Variants in KCNIP4 observed in about 807,000 individuals in gnomAD.
KCNIP4 encodes the protein potassium voltage-gated channel interacting protein 4.
KCNIP4 carries 12 observed loss-of-function variants against 34.0 expected under a neutral mutation model. The observed-to-expected ratio is 0.35, with a 90% CI of 0.23 to 0.57. The LOEUF is 0.57. KCNIP4 is among the 20% of genes least tolerant of loss of function. The pLI is 0.83. For synonymous variants in KCNIP4, 124 were observed against 102.2 expected (o/e 1.21, Z -1.29); for missense variants, 238 against 311.7 (o/e 0.76, Z 1.78).
At chr4:21,701,929 C>T (rs1712883343) in intron 1 of KCNIP4, among the ~76,000 whole-genome samples, 1 of 152,054 alleles carries the variant, frequency 6.6e-6, no homozygotes, top group African/African-American at 2.4e-5. Context: ...GTCTCAAACT[C>T]CTGACCTCAG....
At chr4:21,838,403 C>G (rs963638729) in intron 1 of KCNIP4, among the ~76,000 whole-genome samples, 3 of 152,192 alleles carry the variant, frequency 2.0e-5, no homozygotes, top group Admixed American at 1.3e-4. Flanking sequence ...GGACTGGTAG[C>G]TCACATGGGG....
At chr4:21,782,765 G>A (rs777238907) in intron 1 of KCNIP4, among the ~76,000 whole-genome samples, 15 of 152,026 alleles carry the variant, frequency 9.9e-5, no homozygotes, top group South Asian at 2.1e-4. Context: ...ACTTGGAAAC[G>A]GCCAAAATGT....
At position 21,378,704 on chromosome 4, in the gene KCNIP4, C is replaced by A. The variant is rs1391629763; in HGVS notation, c.62-495995G>T. On this transcript the variant is annotated intron_variant, in intron 1 of 8. Transcript: ENST00000382152. ...CACAGAATTTTAAAACAGTTTCCAGCTATCCCTTAACACAAGGGATATTTA... is the reference window on the plus strand; with the variant it reads ...CACAGAATTTTAAAACAGTTTCCAGATATCCCTTAACACAAGGGATATTTA... Among the ~76,000 whole-genome samples the A allele has an allele frequency of 3.3e-5, 5 of 152,250 alleles. No individual in the cohort carries two copies. In the East Asian group the frequency reaches 7.7e-4, roughly 24 times the overall value.
intron 1 of KCNIP4, among the ~76,000 whole-genome samples, chr4:20,908,916 G>A (rs1728063725): frequency 6.6e-6 from 1 of 152,180 alleles, no homozygotes. Context: ...TAAATAGCTT[G>A]TAAATATTAC....
At chr4:21,491,739 TTTTAAGGTTTG>T (rs1179276055) in intron 1 of KCNIP4, among the ~76,000 whole-genome samples, 1 of 152,154 alleles carries the variant, frequency 6.6e-6, no homozygotes, top group African/African-American at 2.4e-5. Flanking sequence ...AACATCTACA[TTTTAAGGTTTG>T]TTTGTTTTAT....
chr4:21,276,771 T>G (rs1008907239), intron 1 of KCNIP4, among the ~76,000 whole-genome samples: 6 of 152,218 alleles, frequency 3.9e-5, no homozygotes, highest in African/African-American at 1.4e-4. Context: ...GAAATGATTT[T>G]ATGATATAGT....
rs572247002 is a variant in KCNIP4 at position 21,118,306 on chromosome 4, C to T, written c.62-235597G>A. On this transcript the variant is annotated intron_variant, in intron 1 of 8. Transcript: ENST00000382152. Reference sequence around the variant, plus strand: ...AAACTCTGCAGCAATCAGCCTAGAGCAGGTAGGTCTTGGCCAATAACAACC... The same window carrying T: ...AAACTCTGCAGCAATCAGCCTAGAGTAGGTAGGTCTTGGCCAATAACAACC... Among the ~76,000 whole-genome samples, 8 of 152,224 alleles carry T rather than the reference C, an allele frequency of 5.3e-5. No homozygotes were observed. The East Asian group carries it at 1.4e-3, about 26-fold the overall frequency.
intron 1 of KCNIP4, among the ~76,000 whole-genome samples, chr4:21,224,578 G>GTTTTTTT (rs765906146): frequency 2.2e-5 from 1 of 44,880 alleles, no homozygotes; most frequent in African/African-American, 1.0e-4. Flanking sequence ...TTTTTCAACT[G>GTTTTTTT]TTTTTTTTTT....
chr4:21,736,513 A>G (rs1202555688), intron 1 of KCNIP4, among the ~76,000 whole-genome samples: 1 of 152,194 alleles, frequency 6.6e-6, no homozygotes, highest in Non-Finnish European at 1.5e-5. Flanking sequence ...ACACTGAACT[A>G]GTCACTTTCT....
chr4:21,816,261 C>T (rs1375820749), intron 1 of KCNIP4, among the ~76,000 whole-genome samples: 1 of 152,074 alleles, frequency 6.6e-6, no homozygotes, highest in East Asian at 1.9e-4. Flanking sequence ...TGATGGCTCT[C>T]CAAGATAAAA....
intron 1 of KCNIP4, among the ~76,000 whole-genome samples, chr4:21,303,424 T>G (rs1711976973): frequency 6.6e-6 from 1 of 152,208 alleles, no homozygotes; most frequent in Non-Finnish European, 1.5e-5. Context: ...AAGAAATGAG[T>G]GATCTCACAA....
In KCNIP4 at chr4:21,436,072, C is replaced by T. The variant is rs78065274; in HGVS notation, c.61+512499G>A. 3.6e-3 allele frequency among the ~76,000 whole-genome samples: 548 copies of T among 152,220 alleles called. 4 individuals carry two copies. The highest frequency in any genetic ancestry group is 0.012 in the African/African-American group (512 of 41,538). ...CAGAACACAAGGGAAGTCATTTAGA[C>T]GGCACATTTCTCTACTTAAAGTGTT... On this transcript the variant is annotated intron_variant, in intron 1 of 8. Transcript: ENST00000382152.
intron 1 of KCNIP4, among the ~76,000 whole-genome samples, chr4:21,489,247 T>C (rs185602365): frequency 2.0e-5 from 3 of 151,402 alleles, no homozygotes; most frequent in South Asian, 2.1e-4. Flanking sequence ...TCAGTACTTT[T>C]GTATCGAGTA....
At chr4:21,516,788 C>T (rs1263393418) in intron 1 of KCNIP4, among the ~76,000 whole-genome samples, 1 of 152,066 alleles carries the variant, frequency 6.6e-6, no homozygotes, top group Non-Finnish European at 1.5e-5. Flanking sequence ...GGAGTTGTGT[C>T]TGAAACGGTT....
At chr4:21,193,488 A>G (rs1755829217) in intron 1 of KCNIP4, among the ~76,000 whole-genome samples, 2 of 151,574 alleles carry the variant, frequency 1.3e-5, no homozygotes, top group South Asian at 4.1e-4. Context: ...AGAAACTCAC[A>G]TTTCTCTCAT....
chr4:21,414,693 A>G (rs1031631265), intron 1 of KCNIP4, among the ~76,000 whole-genome samples: 1 of 152,228 alleles, frequency 6.6e-6, no homozygotes, highest in Non-Finnish European at 1.5e-5. Context: ...AGTGTCCATC[A>G]ATAGATGAAT....
intron 1 of KCNIP4, among the ~76,000 whole-genome samples, chr4:21,660,423 A>G (rs1376689836): frequency 6.6e-6 from 1 of 152,154 alleles, no homozygotes; most frequent in Non-Finnish European, 1.5e-5. Context: ...ATTTAGGGAC[A>G]TTTCACATCA....
At chr4:20,790,191 G>A (rs1015533751) in intron 3 of KCNIP4, among the ~76,000 whole-genome samples, 6 of 152,010 alleles carry the variant, frequency 3.9e-5, no homozygotes, top group East Asian at 1.9e-4. Flanking sequence ...GTATTTATAC[G>A]TATCTAAACA....
rs545689615 is a variant in KCNIP4, at chr4:21,201,173, A to C, written c.62-318464T>G. ...ATGAGATTGCAGATGCCTATGTATC[A>C]ATGAGCTTCATGAAGCTTTCTGTTT... On this transcript the variant is annotated intron_variant, in intron 1 of 8. Coordinates refer to ENST00000382152, the MANE Select transcript of KCNIP4 (RefSeq NM_025221.6). Among the ~76,000 whole-genome samples, 25 of 152,344 alleles carry C rather than the reference A, an allele frequency of 1.6e-4. No individual in the cohort carries two copies. The South Asian group carries it at 4.6e-3, about 28-fold the overall frequency.
Sources: allele counts gnomAD v4.1 joint callset (sites outside exome capture counted in the v4.1 genomes callset), GRCh38; gene constraint gnomAD v4.1.1; transcripts MANE v1.5; gene names NCBI Gene and HGNC (gene_info 2026-07-23, HGNC 2026-07-21).